DIS3L2: variants seen among roughly 807,000 people sequenced by gnomAD.
The protein encoded by DIS3L2 is DIS3 like 3'-5' exoribonuclease 2.
In DIS3L2, 34 loss-of-function variants were observed where a neutral mutation model predicts 97.5. That is an observed-to-expected ratio of 0.35 (90% CI 0.27 to 0.46). DIS3L2 has a LOEUF of 0.46. DIS3L2 is among the 20% of genes least tolerant of loss of function. The probability of loss-of-function intolerance (pLI) is 1.00; values close to 1 mark genes in which losing one functional copy is unlikely to be tolerated. For missense variants in DIS3L2, 1,038 were observed against 1,146.0 expected, an observed-to-expected ratio of 0.91 and a Z score of 1.36; for synonymous variants, 435 against 445.2, an observed-to-expected ratio of 0.98 and a Z score of 0.29.
At chr2:232,104,695 T>G (rs1697307357) in intron 6 of DIS3L2, among the ~76,000 whole-genome samples, 2 of 152,240 alleles carry the variant, frequency 1.3e-5, no homozygotes, top group Admixed American at 1.3e-4. Flanking sequence ...CTTTTTTCAC[T>G]TAGCACAATG....
intron 14 of DIS3L2, among the ~76,000 whole-genome samples, chr2:232,319,531 C>T (rs1695368656): frequency 6.6e-6 from 1 of 152,218 alleles, no homozygotes; most frequent in South Asian, 2.1e-4. Flanking sequence ...GCAAGGCCTC[C>T]TCCCAGGCAG....
intron 5 of DIS3L2, among the ~76,000 whole-genome samples, chr2:232,065,285 C>A (rs1195853766): frequency 6.6e-6 from 1 of 152,004 alleles, no homozygotes; most frequent in Non-Finnish European, 1.5e-5. Context: ...CTGGCAACCA[C>A]CATTCTACTC....
chr2:232,249,137 C>A, intron 11 of DIS3L2, 102 bp from the exon 12 acceptor site: 1 of 1,085,102 alleles, frequency 9.2e-7, no homozygotes. Context: ...CCATCTTCAG[C>A]TTGCTCTGGA....
intron 13 of DIS3L2, among the ~76,000 whole-genome samples, chr2:232,280,800 G>C (rs562494692): frequency 6.6e-6 from 1 of 152,334 alleles, no homozygotes; most frequent in South Asian, 2.1e-4. Flanking sequence ...AATTGGCACT[G>C]TATCACCGCA....
intron 13 of DIS3L2, among the ~76,000 whole-genome samples, chr2:232,279,009 C>T (rs1172451670): frequency 1.5e-4 from 23 of 152,202 alleles, no homozygotes. Context: ...ACAATCTTGG[C>T]TCACTGCAAC....
chr2:232,296,767 T>C (rs1694735533), intron 13 of DIS3L2, among the ~76,000 whole-genome samples: 1 of 152,232 alleles, frequency 6.6e-6, no homozygotes, highest in Non-Finnish European at 1.5e-5. Context: ...CAGGTATGTA[T>C]TTATTAGCAG....
intron 9 of DIS3L2, among the ~76,000 whole-genome samples, chr2:232,200,888 A>G (rs1158802965): frequency 6.6e-6 from 1 of 151,728 alleles, no homozygotes; most frequent in African/African-American, 2.4e-5. Flanking sequence ...GGTTCAAGCA[A>G]TTCTCCTGGC....
rs767862018 is a variant in DIS3L2, at chr2:232,334,654, A to G, written c.2313A>G (p.Glu771=). 1 of 1,609,666 alleles carries G rather than the reference A, an allele frequency of 6.2e-7. No homozygotes were observed. The change falls in exon 19 of 21, where the codon GAA becomes GAG. Residue 771 remains glutamate, a synonymous_variant. Coordinates refer to ENST00000325385, the MANE Select transcript of DIS3L2 (RefSeq NM_152383.5). The stretch of plus-strand genomic sequence containing the variant: ...AGGAGAGTGGCCCCCTGGAGTCAGA[A>G]GCCATGGTGATGGGCATCCTGAAGC... ...LVKESGPLES[E]AMVMGILKQA...
chr2:232,336,912 C>G lies in DIS3L2; in HGVS notation c.*282C>G. 1 of 1,259,034 alleles carries G rather than the reference C, an allele frequency of 7.9e-7. No homozygotes were observed. Among genetic ancestry groups the G allele is most frequent in the Non-Finnish European group, 1.0e-6 (1 of 996,544 alleles). 78.0% of individuals were successfully genotyped at this position (1,259,034 alleles called of 1,614,324 possible). A position where few individuals can be genotyped will look rare whatever the true frequency, so the allele number is the denominator to read the frequency against. On this transcript the variant is annotated 3_prime_UTR_variant, in exon 21 of 21. Coordinates refer to ENST00000325385, the MANE Select transcript of DIS3L2 (RefSeq NM_152383.5). ...TTTTTCTGGGCCCTACTGCCCTCCTCTGCCCAGGAAATGGGGGGGTTTCAG... is the reference window on the plus strand; with the variant it reads ...TTTTTCTGGGCCCTACTGCCCTCCTGTGCCCAGGAAATGGGGGGGTTTCAG...
intron 13 of DIS3L2, among the ~76,000 whole-genome samples, chr2:232,282,142 TAAAAAAA>T (rs60408194): frequency 4.9e-4 from 52 of 107,144 alleles, no homozygotes; most frequent in South Asian, 1.7e-3. Context: ...CTCGTTTATT[TAAAAAAA>T]AAAAAAAAAA....
At chr2:232,240,087 T>C (rs1332564654) in intron 11 of DIS3L2, among the ~76,000 whole-genome samples, 1 of 152,208 alleles carries the variant, frequency 6.6e-6, no homozygotes, top group Non-Finnish European at 1.5e-5. Context: ...CTAGCCTAGA[T>C]GGGCTCTCTT....
At position 232,334,471 on chromosome 2, in the gene DIS3L2, C is replaced by A; in HGVS notation, c.2261C>A (p.Thr754Asn). Residue 754 changes from threonine (T) to asparagine (N), a missense_variant, in exon 18 of 21, where the codon ACC (threonine) becomes AAC (asparagine). Physicochemically the swap from Thr to Asn is moderately conservative, Grantham distance 65 (BLOSUM62 0). Transcript: ENST00000325385. Reference protein sequence around the residue: ...MASKRVQELSTSLFFAVLVKE... With the variant: ...MASKRVQELSNSLFFAVLVKE... Reference sequence around the variant, plus strand: ...TCCAAGCGCGTGCAGGAGCTCAGTACCAGTCTCTTCTTTGCTGTTCTGGTC... The same window carrying A: ...TCCAAGCGCGTGCAGGAGCTCAGTAACAGTCTCTTCTTTGCTGTTCTGGTC... 1.9e-6 allele frequency: 3 copies of A among 1,613,920 alleles called. No individual in the cohort carries two copies. The highest frequency in any genetic ancestry group is 2.5e-6 in the Non-Finnish European group (3 of 1,179,998).
At chr2:232,078,233 G>A (rs1432493670) in intron 5 of DIS3L2, among the ~76,000 whole-genome samples, 2 of 151,886 alleles carry the variant, frequency 1.3e-5, no homozygotes, top group Middle Eastern at 3.2e-3. Flanking sequence ...TAATAGAGAT[G>A]GGGTTTTGCC....
Position 232,268,051 on chromosome 2 carries a change from G to T in DIS3L2, c.1659+4611G>T, listed in dbSNP as rs1236025897. ...TACCCAGAAGCCACTCTGTTTGAGG[G>T]CTTCCATGTAAAATAAGCATGAGGT... On this transcript the variant is annotated intron_variant, in intron 13 of 20. Transcript: ENST00000325385. This position sits in a 1 kb window ranked among gnomAD's most constrained non-coding sequence, Gnocchi z 4.1. 6.6e-6 allele frequency among the ~76,000 whole-genome samples: 1 copy of T among 152,192 alleles called. No individual in the cohort carries two copies. Among genetic ancestry groups the T allele is most frequent in the African/African-American group, 2.4e-5 (1 of 41,432 alleles).
chr2:232,341,009 T>G (rs1165394598), downstream of DIS3L2: 1 of 456,226 alleles, frequency 2.2e-6, no homozygotes, highest in African/African-American at 2.0e-5. Flanking sequence ...CGAGAGGAGG[T>G]TGCTCCAAAA....
At chr2:232,202,068 C>T (rs1054914829) in intron 9 of DIS3L2, among the ~76,000 whole-genome samples, 2 of 152,180 alleles carry the variant, frequency 1.3e-5, no homozygotes, top group Non-Finnish European at 2.9e-5. Context: ...GTCCCAGACC[C>T]GTCCTGTCCT....
intron 11 of DIS3L2, among the ~76,000 whole-genome samples, chr2:232,240,424 T>C (rs958495388): frequency 1.3e-5 from 2 of 152,194 alleles, no homozygotes; most frequent in Non-Finnish European, 2.9e-5. Context: ...AGTCAGAAGC[T>C]GTGTGATCAT....
chr2:231,985,211 T>C (rs962770913), intron 1 of DIS3L2, among the ~76,000 whole-genome samples: 1 of 152,256 alleles, frequency 6.6e-6, no homozygotes, highest in Non-Finnish European at 1.5e-5. Flanking sequence ...CAAAGATCCC[T>C]TGTGCTACAT....
At chr2:232,161,207 C>T (rs910245796) in intron 8 of DIS3L2, among the ~76,000 whole-genome samples, 26 of 152,070 alleles carry the variant, frequency 1.7e-4, no homozygotes, top group Admixed American at 1.2e-3. Flanking sequence ...TGAGCCACCG[C>T]GCCCAGCCTA....
Sources: allele counts gnomAD v4.1 joint callset (sites outside exome capture counted in the v4.1 genomes callset), GRCh38; gene constraint gnomAD v4.1.1; non-coding constraint Gnocchi (gnomAD v3.1); transcripts MANE v1.5; gene names NCBI Gene and HGNC (gene_info 2026-07-23, HGNC 2026-07-21).